The following SBF1 variants were observed in gnomAD, a reference collection of about 807,000 sequenced individuals.
SBF1 encodes myotubularin-related protein 5.
A neutral mutation model predicts 215.8 loss-of-function variants in SBF1; 65 were observed. The ratio of observed to expected loss-of-function variants is 0.30; its 90% CI spans 0.25 to 0.37. The LOEUF is 0.37. SBF1 is among the 10% of genes least tolerant of loss of function. The probability of loss-of-function intolerance (pLI) is 1.00; values close to 1 mark genes in which losing one functional copy is unlikely to be tolerated. For synonymous variants in SBF1, 1,410 were observed against 1,122.8 expected (o/e 1.26, Z -5.11); for missense variants, 2,634 against 2,667.8 (o/e 0.99, Z 0.28).
In SBF1 at chr22:50,474,883, G is replaced by C. The variant is rs919391274; in HGVS notation, c.-43C>G. 7.6e-7 allele frequency: 1 copy of C among 1,317,182 alleles called. No individual in the cohort carries two copies. The highest frequency in any genetic ancestry group is 1.7e-5 in the South Asian group (1 of 59,982). The allele number at this position is 1,317,182 out of a possible 1,614,324, so 81.6% of individuals were successfully genotyped here. A position where few individuals can be genotyped will look rare whatever the true frequency, so the allele number is the denominator to read the frequency against. ...GGCCCGAGGGGCGCGGGCGGGCTCC[G>C]CGGCTCGGGGACTCGAGGACGGCGC... On this transcript the variant is annotated 5_prime_UTR_variant, in exon 1 of 41. Coordinates refer to ENST00000380817, the MANE Select transcript of SBF1 (RefSeq NM_002972.4).
chr22:50,467,766 C>A lies in SBF1; in HGVS notation c.279+20G>T. ...AGGATGCAGCTTCATTCATGCTGTACCCAGAGGCCCCAAGCTGACCTGTGA... is the reference window on the plus strand; with the variant it reads ...AGGATGCAGCTTCATTCATGCTGTAACCAGAGGCCCCAAGCTGACCTGTGA... On this transcript the variant is annotated intron_variant, in intron 3 of 40. Coordinates refer to ENST00000380817, the MANE Select transcript of SBF1 (RefSeq NM_002972.4). 1 of 1,613,508 alleles carries A rather than the reference C, an allele frequency of 6.2e-7. No homozygotes were observed. The highest frequency in any genetic ancestry group is 8.5e-7 in the Non-Finnish European group (1 of 1,179,872).
At chr22:50,466,949 G>C (rs1189732712) in intron 5 of SBF1, 1 of 561,608 alleles carries the variant, frequency 1.8e-6, no homozygotes. Context: ...ATGGGGCCTA[G>C]GTGGGCGGAA....
At chr22:50,471,552 T>C (rs1018758479) in intron 1 of SBF1, among the ~76,000 whole-genome samples, 2 of 151,968 alleles carry the variant, frequency 1.3e-5, no homozygotes, top group African/African-American at 2.4e-5. Flanking sequence ...AACCCAGCTA[T>C]AGGAAAAGAG....
intron 28 of SBF1, chr22:50,457,494 T>C (rs1368681571): frequency 1.4e-5 from 3 of 213,558 alleles, no homozygotes; most frequent in African/African-American, 6.9e-5. Context: ...CTCAGAACGC[T>C]CCACACATGA....
intron 15 of SBF1, among the ~76,000 whole-genome samples, chr22:50,463,838 C>T (rs1441666900): frequency 1.3e-5 from 2 of 152,182 alleles, no homozygotes; most frequent in Non-Finnish European, 1.5e-5. Flanking sequence ...CCCAAAGGGA[C>T]ACCATACAGC....
intron 5 of SBF1, 112 bp from the exon 6 acceptor site, chr22:50,466,822 G>T: frequency 1.4e-6 from 1 of 717,720 alleles, no homozygotes; most frequent in Non-Finnish European, 2.3e-6. Flanking sequence ...CCCGAGGTGG[G>T]ACTGGCTGGG....
chr22:50,459,091 C>T (rs1202361178), intron 28 of SBF1, among the ~76,000 whole-genome samples, 164 bp downstream of exon 28: 1 of 152,140 alleles, frequency 6.6e-6, no homozygotes, highest in Non-Finnish European at 1.5e-5. Context: ...ACAGGCTTCC[C>T]GCCCCTGCCC....
At chr22:50,449,786 C>T (rs755135724) in intron 36 of SBF1, among the ~76,000 whole-genome samples, 1 of 152,184 alleles carries the variant, frequency 6.6e-6, no homozygotes, top group Admixed American at 6.5e-5. Flanking sequence ...AAGAGAAACA[C>T]GAGGCCAACT....
chr22:50,468,055 G>A (rs1020553198), intron 2 of SBF1, 132 bp from the exon 3 acceptor site: 94 of 1,150,550 alleles, frequency 8.2e-5, no homozygotes, highest in Non-Finnish European at 1.1e-4. Flanking sequence ...TGGAGACCCT[G>A]GGGACACGTG....
chr22:50,460,114 A>G lies in SBF1; in HGVS notation c.3329T>C (p.Leu1110Pro). The part of the protein sequence containing the change: ...EPSTLTPSSA[L>P]KPSDRMTMSS... ...CATGGTCATGCGGTCGGAGGGCTTC[A>G]GGGCTGAGGACGGGGTCAGCGTGCT... is the stretch of plus-strand genomic sequence containing the variant. Residue 1110 changes from leucine (L) to proline (P), a missense_variant, in exon 26 of 41, where the codon CTG becomes CCG. By Grantham distance (98) the Leu-to-Pro change is moderately conservative. Coordinates refer to ENST00000380817, the MANE Select transcript of SBF1 (RefSeq NM_002972.4). 6.2e-7 allele frequency: 1 copy of G among 1,613,286 alleles called. No homozygotes were observed. Among genetic ancestry groups the G allele is most frequent in the Non-Finnish European group, 8.5e-7 (1 of 1,179,982 alleles).
intron 36 of SBF1, 149 bp from the exon 37 acceptor site, chr22:50,448,799 A>C: frequency 1.6e-6 from 1 of 625,330 alleles, no homozygotes; most frequent in Non-Finnish European, 2.8e-6. Context: ...AGAGGGAGGG[A>C]AGGAATATGC....
chr22:50,457,544 T>C lies in SBF1; in HGVS notation c.3827-433A>G, dbSNP rs111582238. Among the ~76,000 whole-genome samples the C allele has an allele frequency of 4.7e-3, 717 of 152,174 alleles. 6 individuals are homozygous for C. Among genetic ancestry groups the C allele is most frequent in the Middle Eastern group, 0.044 (13 of 294 alleles). ...CTGTCCAGGGCACAGCAACAGGAGG[T>C]GCCCAAGAGGTGTGGCCTGGAGAAG... On this transcript the variant is annotated intron_variant, in intron 28 of 40. Transcript: ENST00000380817.
At chr22:50,458,628 G>A (rs1335600916) in intron 28 of SBF1, among the ~76,000 whole-genome samples, 1 of 152,248 alleles carries the variant, frequency 6.6e-6, no homozygotes, top group Non-Finnish European at 1.5e-5. Flanking sequence ...CAGGTGGTCC[G>A]GACACAGGAG....
In SBF1 at chr22:50,445,423, C is replaced by T. The variant is rs1246853983; in HGVS notation, c.*1719G>A. 6.6e-6 allele frequency: 1 copy of T among 152,272 alleles called. No homozygotes were observed. Among genetic ancestry groups the T allele is most frequent in the Non-Finnish European group, 1.5e-5 (1 of 68,084 alleles). The allele number at this position is 152,272 out of a possible 1,614,324, so 9.4% of individuals were successfully genotyped here. A position where few individuals can be genotyped will look rare whatever the true frequency, so the allele number is the denominator to read the frequency against. ...GGGCAGGTGGAGACCAGACCCCCACCCCGCCCCAGCGAGCTTGTCTTTCCA... is the reference window on the plus strand; with the variant it reads ...GGGCAGGTGGAGACCAGACCCCCACTCCGCCCCAGCGAGCTTGTCTTTCCA... On this transcript the variant is annotated 3_prime_UTR_variant, in exon 41 of 41. Transcript: ENST00000380817.
rs1181203228 is a variant in SBF1, at chr22:50,463,392, G to A, written c.1790C>T (p.Ala597Val). 2 of 1,593,542 alleles carry A rather than the reference G, an allele frequency of 1.3e-6. No homozygotes were observed. The highest frequency in any genetic ancestry group is 1.3e-5 in the African/African-American group (1 of 74,566). ...CAGCTCCTGGGCGAGGCAGCGGCGG[G>A]CAGCTCGCCCCTTCAGGGCCCTCAA... ...AVLRALKGRAARRCLAQELHL... is the reference protein window; with the variant it reads ...AVLRALKGRAVRRCLAQELHL... The change falls in exon 16 of 41, where the codon GCC (alanine) becomes GTC (valine). Residue 597 changes from alanine (A) to valine (V), a missense_variant. Transcript: ENST00000380817.
chr22:50,467,140 ACGACACAGG>A, intron 5 of SBF1, 189 bp downstream of exon 5: 2 of 600,996 alleles, frequency 3.3e-6, no homozygotes, highest in East Asian at 2.8e-5. Flanking sequence ...GAGAGGCTGA[ACGACACAGG>A]CCCAGAGCAC....
chr22:50,467,868 A>G lies in SBF1; in HGVS notation c.197T>C (p.Phe66Ser), dbSNP rs1233471028. The change falls in exon 3 of 41, where the codon TTT becomes TCT. Residue 66 changes from phenylalanine to serine, a missense_variant. Transcript: ENST00000380817. ...GTTGATGTCGGTGAGGACAGCAACA[A>G]AGAAGGTCGGTGGATTCCTCTCGGG... The part of the protein sequence containing the change: ...LCPERNPPTF[F>S]VAVLTDINSE... 3.7e-6 allele frequency: 6 copies of G among 1,614,026 alleles called. No homozygotes were observed. In the South Asian group the frequency reaches 6.6e-5, roughly 18 times the overall value.
chr22:50,464,702 G>C lies in SBF1; in HGVS notation c.1468C>G (p.Gln490Glu). Reference sequence around the variant, plus strand: ...AGGTGGCTGCTCTCACCGGGCCTCTGTACCTTGTGCATCGCCACGGCTGGG... The same window carrying C: ...AGGTGGCTGCTCTCACCGGGCCTCTCTACCTTGTGCATCGCCACGGCTGGG... ...PYPAVAMHKV[Q>E]RPGESSHLRR... Residue 490 changes from glutamine (Q) to glutamate (E), a missense_variant, in exon 14 of 41, where the codon CAG becomes GAG. Transcript: ENST00000380817. 1.9e-6 allele frequency: 3 copies of C among 1,607,518 alleles called. No homozygotes were observed. The highest frequency in any genetic ancestry group is 8.5e-7 in the Non-Finnish European group (1 of 1,179,128).
chr22:50,466,790 C>G (rs2067780597), intron 5 of SBF1, 80 bp from the exon 6 acceptor site: 1 of 1,020,472 alleles, frequency 9.8e-7, no homozygotes, highest in Non-Finnish European at 1.4e-6. Context: ...TGTCCCCAGG[C>G]AGACCCTGGT....
Sources: gnomAD v4.1 joint callset for allele counts (sites outside exome capture counted in the v4.1 genomes callset) on GRCh38, gnomAD v4.1.1 for gene constraint, MANE v1.5 for transcripts, NCBI Gene and HGNC (gene_info 2026-07-23, HGNC 2026-07-21) for gene names.